Variants in IFI16 observed in about 807,000 individuals in gnomAD.
IFI16 encodes interferon gamma inducible protein 16, also known as gamma-interferon-inducible protein 16.
IFI16 carries 49 observed loss-of-function variants against 68.4 expected under a neutral mutation model. The observed-to-expected ratio is 0.72, with a 90% CI of 0.57 to 0.91. The LOEUF is 0.91. Among genes scored for constraint, IFI16 ranks in the 40% least tolerant of loss-of-function variants. The pLI is 0.00. For missense variants in IFI16, 878 were observed against 942.9 expected (o/e 0.93, Z 0.90); for synonymous variants, 307 against 315.0 (o/e 0.97, Z 0.27).
chr1:159,016,469 T>C (rs2101815825), intron 3 of IFI16, 64 bp from the exon 4 acceptor site: 1 of 1,412,734 alleles, frequency 7.1e-7, no homozygotes. Context: ...TATCCAATAA[T>C]GAAAATGTGC....
At chr1:159,043,515 G>T (rs1654791875) in intron 7 of IFI16, among the ~76,000 whole-genome samples, 1 of 152,172 alleles carries the variant, frequency 6.6e-6, no homozygotes, top group Non-Finnish European at 1.5e-5. Context: ...CTTCACAGGA[G>T]GCCTGCAAAA....
At chr1:159,001,369 T>TC (rs1351229114), upstream of IFI16, among the ~76,000 whole-genome samples, 21 of 152,332 alleles carry the variant, frequency 1.4e-4, no homozygotes, top group African/African-American at 5.1e-4. Flanking sequence ...TAGGGGAGGC[T>TC]CCCATTGATA....
upstream of IFI16, among the ~76,000 whole-genome samples, chr1:159,004,252 T>C (rs1436691592): frequency 6.6e-6 from 1 of 151,978 alleles, no homozygotes; most frequent in Non-Finnish European, 1.5e-5. Flanking sequence ...GGTAGGTAGA[T>C]TGTTTGAGCT....
rs143811935 is a variant in IFI16, at chr1:159,012,073, T to G, written c.-21+1912T>G. ...ACCTAAAAAAGTTTATTTTTCACTC[T>G]TCTTATCTTTTGGCTGGCAGAATTT... is the stretch of plus-strand genomic sequence containing the variant. On this transcript the variant is annotated intron_variant, in intron 1 of 11. Coordinates refer to ENST00000295809, the MANE Select transcript of IFI16 (RefSeq NM_001376587.1). 2.4e-3 allele frequency among the ~76,000 whole-genome samples: 368 copies of G among 150,294 alleles called. 2 individuals are homozygous for G. Among genetic ancestry groups the G allele is most frequent in the African/African-American group, 8.6e-3 (355 of 41,262 alleles).
intron 10 of IFI16, chr1:159,052,484 A>G (rs1655424050): frequency 5.9e-6 from 1 of 169,006 alleles, no homozygotes; most frequent in African/African-American, 2.4e-5. Flanking sequence ...ATTGTGAATA[A>G]AAGAGTTGCT....
intron 11 of IFI16, among the ~76,000 whole-genome samples, chr1:159,054,325 A>G (rs1655550120): frequency 6.6e-6 from 1 of 152,214 alleles, no homozygotes; most frequent in Admixed American, 6.5e-5. Flanking sequence ...GAACACTAAC[A>G]AAGGCTAATA....
chr1:159,009,046 A>G (rs1342877604), upstream of IFI16: 1 of 152,150 alleles, frequency 6.6e-6, no homozygotes, highest in East Asian at 1.9e-4. Flanking sequence ...CACTGTCCTT[A>G]ACAGAGAAAA....
At chr1:159,053,414 G>A in intron 10 of IFI16, 119 bp from the exon 11 acceptor site, 2 of 611,996 alleles carry the variant, frequency 3.3e-6, no homozygotes, top group Non-Finnish European at 5.7e-6. Context: ...TGTTATTCAG[G>A]ACCTACAGCT....
intron 1 of IFI16, among the ~76,000 whole-genome samples, chr1:159,000,852 G>C (rs1652033142): frequency 6.6e-6 from 1 of 152,044 alleles, no homozygotes; most frequent in African/African-American, 2.4e-5. Flanking sequence ...GCCATCCCCT[G>C]GTTGATGAGT....
chr1:159,013,249 A>C (rs1571831139), intron 1 of IFI16, among the ~76,000 whole-genome samples: 1 of 130,734 alleles, frequency 7.6e-6, no homozygotes, highest in African/African-American at 2.8e-5. Flanking sequence ...GCTCACTGCA[A>C]CCTCCGTCTC....
intron 1 of IFI16, among the ~76,000 whole-genome samples, chr1:159,012,446 T>C (rs1176908861): frequency 6.6e-6 from 1 of 152,146 alleles, no homozygotes; most frequent in Non-Finnish European, 1.5e-5. Flanking sequence ...AGCACTAATA[T>C]TGCAAAACAA....
intron 7 of IFI16, among the ~76,000 whole-genome samples, chr1:159,043,469 C>T (rs1292893169): frequency 6.6e-6 from 1 of 152,196 alleles, no homozygotes; most frequent in Non-Finnish European, 1.5e-5. Flanking sequence ...CCTAAACATA[C>T]ACCACGTAGT....
At chr1:159,044,544 T>G (rs754485632) in intron 7 of IFI16, among the ~76,000 whole-genome samples, 1 of 152,090 alleles carries the variant, frequency 6.6e-6, no homozygotes, top group Non-Finnish European at 1.5e-5. Flanking sequence ...GGTTACTGAA[T>G]GGGAAAACTG....
intron 8 of IFI16, among the ~76,000 whole-genome samples, chr1:159,047,378 T>C (rs1214585413): frequency 1.3e-5 from 2 of 148,912 alleles, no homozygotes; most frequent in Non-Finnish European, 3.0e-5. Flanking sequence ...ATCTTGGGAC[T>C]TACCATCAAG....
chr1:159,048,713 C>G (rs1191072866), intron 8 of IFI16, among the ~76,000 whole-genome samples: 1 of 151,278 alleles, frequency 6.6e-6, no homozygotes, highest in African/African-American at 2.4e-5. Context: ...CCACATTGGC[C>G]AAATAGGGTG....
intron 7 of IFI16, among the ~76,000 whole-genome samples, chr1:159,039,586 C>T (rs1016614555): frequency 6.6e-6 from 1 of 152,136 alleles, no homozygotes; most frequent in Non-Finnish European, 1.5e-5. Context: ...TCAGGCAATC[C>T]TCCCGCCTCG....
At chr1:159,007,425 T>G (rs1032437685), upstream of IFI16, among the ~76,000 whole-genome samples, 6 of 152,172 alleles carry the variant, frequency 3.9e-5, no homozygotes, top group Non-Finnish European at 8.8e-5. Context: ...GTGTAGAAAT[T>G]AGTAAATCAA....
chr1:159,002,083 G>C (rs2101769979), upstream of IFI16, among the ~76,000 whole-genome samples: 1 of 152,324 alleles, frequency 6.6e-6, no homozygotes, highest in African/African-American at 2.4e-5. Context: ...CCTATCTCCA[G>C]GTTGTAAATA....
chr1:159,012,574 C>T (rs1652636531), intron 1 of IFI16, among the ~76,000 whole-genome samples: 1 of 152,198 alleles, frequency 6.6e-6, no homozygotes, highest in South Asian at 2.1e-4. Context: ...AACAAGTGCT[C>T]AGTGCCACAA....
Sources: gnomAD v4.1 joint callset for allele counts (sites outside exome capture counted in the v4.1 genomes callset) on GRCh38, gnomAD v4.1.1 for gene constraint, MANE v1.5 for transcripts, NCBI Gene and HGNC (gene_info 2026-07-23, HGNC 2026-07-21) for gene names.